The following MAP7D3 variants were observed in gnomAD, a reference collection of about 807,000 sequenced individuals.
MAP7D3 encodes the protein MAP7 domain-containing protein 3.
Under a neutral mutation model 62.2 loss-of-function variants are expected in MAP7D3, and 45 were observed. The ratio of observed to expected loss-of-function variants is 0.72; its 90% CI spans 0.57 to 0.93. The LOEUF (loss-of-function observed/expected upper bound fraction) is 0.93, where lower values mean the gene tolerates loss of function less well. MAP7D3 is among the 40% of genes least tolerant of loss of function. MAP7D3 has a pLI of 0.00. For synonymous variants in MAP7D3, 288 were observed against 248.8 expected (o/e 1.16, Z -1.48); for missense variants, 711 against 683.1 (o/e 1.04, Z -0.45).
Position 136,230,937 on chromosome X carries a change from G to T in MAP7D3, c.1443C>A (p.Ile481=), listed in dbSNP as rs746118249. Residue 481 remains isoleucine, a synonymous_variant, in exon 9 of 19, where the codon ATC becomes ATA. Coordinates refer to ENST00000316077, the MANE Select transcript of MAP7D3 (RefSeq NM_024597.4). ...KKSEMDKQAL[I]PIAKKRLSSY... is the part of the protein sequence containing the mutation. ...ATGATAGACGCTTCTTGGCAATAGG[G>T]ATTAAGGCCTGTTTGTCCATTTCTG... 11 of 1,194,139 alleles carry T rather than the reference G, an allele frequency of 9.2e-6. No individual in the cohort carries two copies. The highest frequency in any genetic ancestry group is 4.4e-5 in the Admixed American group (2 of 45,488).
At chrX:136,254,581 A>G (rs2074540843), upstream of MAP7D3, among the ~76,000 whole-genome samples, 1 of 111,623 alleles carries the variant, frequency 9.0e-6, no homozygotes, top group Non-Finnish European at 1.9e-5. Context: ...AACCACATAC[A>G]GGTGGCATGA....
intron 7 of MAP7D3, among the ~76,000 whole-genome samples, chrX:136,233,225 G>T (rs188917382): frequency 9.1e-6 from 1 of 110,146 alleles, no homozygotes; most frequent in African/African-American, 3.3e-5. Flanking sequence ...GGATAATGGG[G>T]GATTAGATTA....
At chrX:136,239,002 T>A (rs1336249559) in intron 6 of MAP7D3, among the ~76,000 whole-genome samples, 2 of 112,358 alleles carry the variant, frequency 1.8e-5, no homozygotes, top group African/African-American at 6.5e-5. Context: ...ACTATAATTA[T>A]GCCTTATTCA....
chrX:136,219,068 C>G (rs2074093124), intron 18 of MAP7D3, among the ~76,000 whole-genome samples: 1 of 112,174 alleles, frequency 8.9e-6, no homozygotes, highest in African/African-American at 3.2e-5. Flanking sequence ...CCAGGCTGGT[C>G]TCAAACTCCT....
At chrX:136,235,061 G>T (rs1488277844) in intron 7 of MAP7D3, among the ~76,000 whole-genome samples, 2 of 111,672 alleles carry the variant, frequency 1.8e-5, no homozygotes, top group Non-Finnish European at 3.8e-5. Flanking sequence ...TAACTCTAAG[G>T]AAAGAATCTA....
intron 8 of MAP7D3, 116 bp downstream of exon 8, chrX:136,231,428 G>A (rs1009913874): frequency 1.9e-5 from 11 of 580,268 alleles, no homozygotes; most frequent in African/African-American, 4.6e-5. Flanking sequence ...TAATTATATT[G>A]CAGAATATTG....
At chrX:136,244,483 T>A in intron 4 of MAP7D3, 149 bp downstream of exon 4, 1 of 487,714 alleles carries the variant, frequency 2.1e-6, no homozygotes, top group Non-Finnish European at 3.4e-6. Context: ...GCCTATATAA[T>A]GCTGAGGGGA....
Position 136,244,756 on chromosome X carries a change from G to GTCTT in MAP7D3, c.289_292dup (p.Thr98LysfsTer7). On this transcript the variant is annotated frameshift_variant, in exon 4 of 19. Transcript: ENST00000316077. LOFTEE classifies it high-confidence loss of function. The stretch of plus-strand genomic sequence containing the variant: ...CATCTGTTTTTCATATTGGAGCTTG[G>GTCTT]TCTTTCTTTCTTTTTCAAGTAGTTG... The GTCTT allele has an allele frequency of 1.7e-6, 2 of 1,199,095 alleles. No individual in the cohort carries two copies. Among genetic ancestry groups the GTCTT allele is most frequent in the Non-Finnish European group, 2.3e-6 (2 of 888,278 alleles).
rs1489598985 is a variant in MAP7D3, at chrX:136,224,835, C to A, written c.2185G>T (p.Ala729Ser). The A allele has an allele frequency of 8.5e-7, 1 of 1,177,084 alleles. No individual in the cohort carries two copies. Among genetic ancestry groups the A allele is most frequent in the Non-Finnish European group, 1.2e-6 (1 of 864,012 alleles). Residue 729 changes from alanine (A) to serine (S), a missense_variant, in exon 14 of 19, where the codon GCC (alanine) becomes TCC (serine). Coordinates refer to ENST00000316077, the MANE Select transcript of MAP7D3 (RefSeq NM_024597.4). ...MKRTRKTDVNASKVTETSSHD... is the reference protein window; with the variant it reads ...MKRTRKTDVNSSKVTETSSHD... ...AGGAGTATGGAGACTACCTTTGAGG[C>A]ATTCACATCTGTCTTTCTTGTCCGC...
chrX:136,230,701 A>G, intron 9 of MAP7D3, 108 bp from the exon 10 acceptor site: 1 of 906,317 alleles, frequency 1.1e-6, no homozygotes, highest in South Asian at 2.4e-5. Flanking sequence ...TTTCTGAAAA[A>G]TAAATCCCTT....
rs1386226721 is a variant in MAP7D3, at chrX:136,218,256, A to G, written c.*270T>C. The G allele has an allele frequency of 9.0e-6, 1 of 111,718 alleles. No homozygotes were observed. The highest frequency in any genetic ancestry group is 2.8e-4 in the East Asian group (1 of 3,569). 9.2% of individuals were successfully genotyped at this position (111,718 alleles called of 1,213,427 possible). On this transcript the variant is annotated 3_prime_UTR_variant, in exon 19 of 19. Transcript: ENST00000316077. ...GAGAGACAATGATGATTTTCCAAAG[A>G]AAACAAAAACCACTCTTTACTTAGA...
intron 1 of MAP7D3, among the ~76,000 whole-genome samples, chrX:136,247,202 G>T (rs752258432): frequency 5.3e-5 from 6 of 112,310 alleles, no homozygotes; most frequent in African/African-American, 1.9e-4. Context: ...GGAAAAGTAA[G>T]AAAACTAAAA....
intron 1 of MAP7D3, among the ~76,000 whole-genome samples, chrX:136,249,063 T>C (rs961676211): frequency 3.6e-5 from 4 of 112,043 alleles, no homozygotes; most frequent in Non-Finnish European, 5.6e-5. Flanking sequence ...TAGCATGTCT[T>C]GAAGACAAAA....
intron 10 of MAP7D3, 81 bp from the exon 11 acceptor site, chrX:136,228,839 C>T: frequency 2.5e-6 from 2 of 800,101 alleles, no homozygotes; most frequent in Admixed American, 3.6e-5. Context: ...CAATCCAAAA[C>T]ATTAAAATAT....
chrX:136,214,922 A>G (rs1603275535), downstream of MAP7D3: 1 of 112,124 alleles, frequency 8.9e-6, no homozygotes, highest in African/African-American at 3.2e-5. Context: ...ATCCTGGTAG[A>G]CAGTTTCAAT....
At chrX:136,233,593 A>C (rs1372340650) in intron 7 of MAP7D3, among the ~76,000 whole-genome samples, 1 of 101,811 alleles carries the variant, frequency 9.8e-6, no homozygotes, top group Non-Finnish European at 2.0e-5. Flanking sequence ...ATTTTTCAAA[A>C]GGTATTTGGA....
rs910034030 is a variant in MAP7D3 at position 136,217,870 on chromosome X, A to G, written c.*656T>C. Reference sequence around the variant, plus strand: ...GGATTTCGAGACTAGCCTGGTGAACATGGTAAAACCCTATCTCTACTAAAA... The same window carrying G: ...GGATTTCGAGACTAGCCTGGTGAACGTGGTAAAACCCTATCTCTACTAAAA... On this transcript the variant is annotated 3_prime_UTR_variant, in exon 19 of 19. Transcript: ENST00000316077. The G allele has an allele frequency of 1.8e-5, 2 of 110,382 alleles. No individual in the cohort carries two copies. The highest frequency in any genetic ancestry group is 5.7e-4 in the East Asian group (2 of 3,531). The allele number at this position is 110,382 out of a possible 1,213,427, so 9.1% of individuals were successfully genotyped here. A position where few individuals can be genotyped will look rare whatever the true frequency, so the allele number is the denominator to read the frequency against.
intron 14 of MAP7D3, 94 bp from the exon 15 acceptor site, chrX:136,222,580 G>C: frequency 2.9e-6 from 2 of 684,305 alleles, no homozygotes; most frequent in Non-Finnish European, 4.4e-6. Context: ...TGGACTGATG[G>C]CTAATTTTTG....
chrX:136,253,097 G>A (rs746543070), upstream of MAP7D3, among the ~76,000 whole-genome samples: 24 of 110,667 alleles, frequency 2.2e-4, no homozygotes, highest in African/African-American at 7.6e-4. Context: ...ACTCTGTCTC[G>A]AAGAAAAAAA....
Sources: gnomAD v4.1 joint callset for allele counts (sites outside exome capture counted in the v4.1 genomes callset) on GRCh38, gnomAD v4.1.1 for gene constraint, MANE v1.5 for transcripts, NCBI Gene and HGNC (gene_info 2026-07-23, HGNC 2026-07-21) for gene names.